Variants in FGFR1 observed in about 807,000 individuals in gnomAD.
FGFR1 encodes the protein fibroblast growth factor receptor 1.
Under a neutral mutation model 93.7 loss-of-function variants are expected in FGFR1, and 18 were observed. That is an observed-to-expected ratio of 0.19 (90% CI 0.13 to 0.28). The LOEUF (loss-of-function observed/expected upper bound fraction) is 0.28. FGFR1 is among the 10% of genes least tolerant of loss of function. The pLI is 1.00. For synonymous variants in FGFR1, 448 were observed against 429.3 expected (o/e 1.04, Z -0.54); for missense variants, 731 against 1,080.4 (o/e 0.68, Z 4.53).
At chr8:38,432,410 A>ATTT (rs34918365) in intron 2 of FGFR1, among the ~76,000 whole-genome samples, 8 of 135,924 alleles carry the variant, frequency 5.9e-5, no homozygotes, top group South Asian at 2.4e-4. Context: ...CTCGGGATAA[A>ATTT]TTTTTTTTTT....
Position 38,464,405 on chromosome 8 carries a change from G to C in FGFR1, c.-89+3576C>G, listed in dbSNP as rs569666769. 6.6e-5 allele frequency among the ~76,000 whole-genome samples: 10 copies of C among 151,140 alleles called. No homozygotes were observed. In the South Asian group the frequency reaches 1.7e-3, roughly 25 times the overall value. ...TGCTCTTGAAGACAGGATGTACTAT[G>C]AGTGGAACCCCACCAAATTCTTGGG... On this transcript the variant is annotated intron_variant, in intron 1 of 17. Coordinates refer to ENST00000447712, the MANE Select transcript of FGFR1 (RefSeq NM_023110.3).
In FGFR1 at chr8:38,452,091, C is replaced by T. The variant is rs1831239874; in HGVS notation, c.91+5265G>A. Among the ~76,000 whole-genome samples, 5 of 152,078 alleles carry T rather than the reference C, an allele frequency of 3.3e-5. 1 individual carries two copies. In the South Asian group the frequency reaches 1.0e-3, roughly 32 times the overall value. On this transcript the variant is annotated intron_variant, in intron 2 of 17. Coordinates refer to ENST00000447712, the MANE Select transcript of FGFR1 (RefSeq NM_023110.3). The stretch of plus-strand genomic sequence containing the variant: ...CCTTATTAAATCAACTTTCCAAGGA[C>T]AGCCAGAAACTCCAGGCCCTCCCCA...
intron 2 of FGFR1, among the ~76,000 whole-genome samples, chr8:38,447,941 C>T (rs1215317707): frequency 6.6e-6 from 1 of 152,160 alleles, no homozygotes; most frequent in African/African-American, 2.4e-5. Context: ...CTATTGAATG[C>T]AAACTATTGA....
intron 2 of FGFR1, among the ~76,000 whole-genome samples, chr8:38,447,788 A>C (rs894031602): frequency 4.6e-5 from 7 of 152,142 alleles, no homozygotes; most frequent in African/African-American, 1.7e-4. Context: ...GCTGGTATTT[A>C]TTATTATATT....
rs1249147277 is a variant in FGFR1 at position 38,411,247 on chromosome 8, T to G, written c.*2381A>C. ...ACATCACTGTAATTATGATAGTGCC[T>G]TATATTTTTCTAGCACCTCTCCCAA... is the stretch of plus-strand genomic sequence containing the variant. On this transcript the variant is annotated 3_prime_UTR_variant, in exon 18 of 18. Transcript: ENST00000447712. 4.8e-6 allele frequency: 1 copy of G among 207,972 alleles called. No homozygotes were observed. The highest frequency in any genetic ancestry group is 7.3e-5 in the East Asian group (1 of 13,732). 12.9% of individuals were successfully genotyped at this position (207,972 alleles called of 1,614,324 possible). A position where few individuals can be genotyped will look rare whatever the true frequency, so the allele number is the denominator to read the frequency against.
intron 12 of FGFR1, 99 bp downstream of exon 12, chr8:38,417,207 C>T (rs552850028): frequency 1.1e-6 from 1 of 935,866 alleles, no homozygotes; most frequent in East Asian, 2.4e-5. Flanking sequence ...CTCTCTTAAC[C>T]CCCTTCCCTA....
In FGFR1 at chr8:38,440,257, A is replaced by T. The variant is rs748460847; in HGVS notation, c.92-10309T>A. 5.2e-6 allele frequency: 8 copies of T among 1,539,652 alleles called. No individual in the cohort carries two copies. In the South Asian group the frequency reaches 9.4e-5, roughly 18 times the overall value. ...GCGGGGCTCCGGGGGCCCTCTGCAG[A>T]GGTTTTTTTATTACGTATTTTGGCT... is the stretch of plus-strand genomic sequence containing the variant. On this transcript the variant is annotated intron_variant, in intron 2 of 17. Coordinates refer to ENST00000447712, the MANE Select transcript of FGFR1 (RefSeq NM_023110.3).
rs1294295250 is a variant in FGFR1 at position 38,454,632 on chromosome 8, G to A, written c.91+2724C>T. Among the ~76,000 whole-genome samples, 4 of 152,110 alleles carry A rather than the reference G, an allele frequency of 2.6e-5. No individual in the cohort carries two copies. In the East Asian group the frequency reaches 7.7e-4, roughly 29 times the overall value. ...TAGCCAGACACTCAAAATAACCTGC[G>A]ACCTCATCCTTCTGGCAGCAGCAGT... On this transcript the variant is annotated intron_variant, in intron 2 of 17. Transcript: ENST00000447712.
intron 1 of FGFR1, chr8:38,458,894 G>A (rs942254479): frequency 3.6e-5 from 8 of 220,100 alleles, no homozygotes; most frequent in Non-Finnish European, 5.5e-5. Flanking sequence ...TCTCCCTGAT[G>A]CTGGAAGGTG....
At position 38,440,327 on chromosome 8, in the gene FGFR1, C is replaced by T. The variant is rs1826953833; in HGVS notation, c.92-10379G>A. 3 of 1,605,144 alleles carry T rather than the reference C, an allele frequency of 1.9e-6. No homozygotes were observed. In the African/African-American group the frequency reaches 4.0e-5, roughly 21 times the overall value. ...TTACCTTCGGCTGGCAGGACCCGGC[C>T]AGAGTGCAGAAGCATCTCACCGAAA... On this transcript the variant is annotated intron_variant, in intron 2 of 17. Transcript: ENST00000447712.
chr8:38,449,698 C>A (rs1830454862), intron 2 of FGFR1, among the ~76,000 whole-genome samples: 1 of 152,222 alleles, frequency 6.6e-6, no homozygotes, highest in African/African-American at 2.4e-5. Flanking sequence ...GAGGCTCAGC[C>A]ACGCCACAGC....
rs375101187 is a variant in FGFR1, at chr8:38,413,626, A to T, written c.*2T>A. 2 of 1,606,428 alleles carry T rather than the reference A, an allele frequency of 1.2e-6. No individual in the cohort carries two copies. Among genetic ancestry groups the T allele is most frequent in the South Asian group, 2.2e-5 (2 of 89,858 alleles). ...AGTCTGGGGAGGGCGTGTGGGTGGC[A>T]GTCAGCGGCGTTTGAGTCCGCCATT... is the stretch of plus-strand genomic sequence containing the variant. On this transcript the variant is annotated 3_prime_UTR_variant, in exon 18 of 18. Coordinates refer to ENST00000447712, the MANE Select transcript of FGFR1 (RefSeq NM_023110.3). This position sits in a 1 kb window ranked among gnomAD's most constrained non-coding sequence, Gnocchi z 4.2.
chr8:38,424,773 C>T lies in FGFR1; in HGVS notation c.746-74G>A, dbSNP rs1820132801. The T allele has an allele frequency of 8.6e-6, 13 of 1,503,934 alleles. No individual in the cohort carries two copies. In the East Asian group the frequency reaches 3.0e-4, roughly 34 times the overall value. 93.2% of individuals were successfully genotyped at this position (1,503,934 alleles called of 1,614,324 possible). Reference sequence around the variant, plus strand: ...CTAAAGAGGGGTGGGCTCACCTGCGCCCCACTTGGCTTTCCCAGTGATGGG... The same window carrying T: ...CTAAAGAGGGGTGGGCTCACCTGCGTCCCACTTGGCTTTCCCAGTGATGGG... On this transcript the variant is annotated intron_variant, in intron 6 of 17. Coordinates refer to ENST00000447712, the MANE Select transcript of FGFR1 (RefSeq NM_023110.3). The surrounding 1 kb of genome is among the most constrained non-coding windows in gnomAD (Gnocchi z 4.3).
intron 2 of FGFR1, among the ~76,000 whole-genome samples, chr8:38,455,481 T>C (rs1485212593): frequency 1.3e-5 from 2 of 152,074 alleles, no homozygotes; most frequent in African/African-American, 4.8e-5. Context: ...TTAATAGAGA[T>C]GGGGTTTCAC....
chr8:38,422,967 A>G (rs1171014597), intron 7 of FGFR1: 2 of 768,852 alleles, frequency 2.6e-6, no homozygotes, highest in Non-Finnish European at 4.9e-6. Context: ...CGCCTGCCCC[A>G]GCAGCTTGGG....
chr8:38,415,818 G>T (rs919319792), intron 13 of FGFR1, 52 bp downstream of exon 13: 1 of 1,556,978 alleles, frequency 6.4e-7, no homozygotes, highest in Non-Finnish European at 8.8e-7. Context: ...GAAGACTAGG[G>T]GGGCTCTGTT....
In FGFR1 at chr8:38,419,608, G is replaced by A. The variant is rs1399640449; in HGVS notation, c.1209C>T (p.Thr403=). 6.2e-7 allele frequency: 1 copy of A among 1,614,066 alleles called. No individual in the cohort carries two copies. The change falls in exon 9 of 18, where the codon ACC becomes ACT. Residue 403 remains threonine (T), a synonymous_variant. Coordinates refer to ENST00000447712, the MANE Select transcript of FGFR1 (RefSeq NM_023110.3). The part of the protein sequence containing the change: ...SVIVYKMKSG[T]KKSDFHSQMA... ...TCTGGCTGTGGAAGTCACTCTTCTTGGTACCACTCTTCATCTTGTAGACGA... is the reference window on the plus strand; with the variant it reads ...TCTGGCTGTGGAAGTCACTCTTCTTAGTACCACTCTTCATCTTGTAGACGA...
At chr8:38,440,690 G>A (rs1827122570) in intron 2 of FGFR1, among the ~76,000 whole-genome samples, 1 of 152,034 alleles carries the variant, frequency 6.6e-6, no homozygotes, top group Non-Finnish European at 1.5e-5. Flanking sequence ...CATTCAGCCT[G>A]ACAAAACGGT....
At chr8:38,422,144 C>A in intron 7 of FGFR1, 2 of 615,030 alleles carry the variant, frequency 3.3e-6, no homozygotes, top group Non-Finnish European at 2.9e-6. Flanking sequence ...GGAAGAACTC[C>A]GGCAGACCTG....
Sources: allele counts gnomAD v4.1 joint callset (sites outside exome capture counted in the v4.1 genomes callset), GRCh38; gene constraint gnomAD v4.1.1; non-coding constraint Gnocchi (gnomAD v3.1); transcripts MANE v1.5; gene names NCBI Gene and HGNC (gene_info 2026-07-23, HGNC 2026-07-21).